The following SPRR2F variants were observed in gnomAD, a reference collection of about 807,000 sequenced individuals.
SPRR2F encodes small proline rich protein 2F.
A neutral mutation model predicts 0.8 loss-of-function variants in SPRR2F; 2 were observed. The observed-to-expected ratio is 2.52, with a 90% CI of 1.03 to 7.95. The LOEUF (loss-of-function observed/expected upper bound fraction) is 7.95, where lower values mean the gene tolerates loss of function less well. Among genes scored for constraint, SPRR2F ranks in the 30% most tolerant of loss-of-function variants. SPRR2F has a pLI of 0.04. For missense variants in SPRR2F, 80 were observed against 85.8 expected (o/e 0.93, Z 0.27); for synonymous variants, 39 against 33.4 (o/e 1.17, Z -0.58).
chr1:153,112,855 A>G, intron 1 of SPRR2F, 103 bp from the exon 2 acceptor site: 2 of 1,515,160 alleles, frequency 1.3e-6, no homozygotes, highest in Non-Finnish European at 1.8e-6. Flanking sequence ...AATCTCCAAG[A>G]AATTATTTAA....
At chr1:153,114,548 G>A (rs143645034), upstream of SPRR2F, among the ~76,000 whole-genome samples, 12 of 152,210 alleles carry the variant, frequency 7.9e-5, no homozygotes, top group East Asian at 1.4e-3. Context: ...GATGGTCAGC[G>A]CACCTAAAGT....
chr1:153,112,282 G>A lies in SPRR2F; in HGVS notation c.*233C>T, dbSNP rs1293930378. ...TCTTTCTTCTGAAGCTCTGGGAGCT[G>A]GCACAGCCCAGGACTTCCTTTGCTC... On this transcript the variant is annotated 3_prime_UTR_variant, in exon 2 of 2. Transcript: ENST00000468739. 3.3e-5 allele frequency: 22 copies of A among 672,514 alleles called. No homozygotes were observed. The highest frequency in any genetic ancestry group is 8.4e-4 in the Middle Eastern group (2 of 2,378). 41.7% of individuals were successfully genotyped at this position (672,514 alleles called of 1,614,324 possible).
At chr1:153,116,465 C>T (rs142485365), upstream of SPRR2F, among the ~76,000 whole-genome samples, 48 of 152,182 alleles carry the variant, frequency 3.2e-4, 1 homozygote, top group Non-Finnish European at 5.6e-4. Context: ...ACTTAAAATT[C>T]TGCTTTGAAA....
chr1:153,116,539 G>A (rs900826905), upstream of SPRR2F, among the ~76,000 whole-genome samples: 1 of 152,048 alleles, frequency 6.6e-6, no homozygotes, highest in Non-Finnish European at 1.5e-5. Flanking sequence ...TTCCTTTTAA[G>A]CATCTCTGGC....
chr1:153,113,857 TTCCTG>T (rs973397288), upstream of SPRR2F, among the ~76,000 whole-genome samples: 1 of 152,094 alleles, frequency 6.6e-6, no homozygotes, highest in Non-Finnish European at 1.5e-5. Context: ...ATCATAAAAC[TTCCTG>T]TCCTGATCCA....
At position 153,112,248 on chromosome 1, in the gene SPRR2F, G is replaced by C; in HGVS notation, c.*267C>G. 2 of 540,436 alleles carry C rather than the reference G, an allele frequency of 3.7e-6. No homozygotes were observed. Among genetic ancestry groups the C allele is most frequent in the Non-Finnish European group, 6.2e-6 (2 of 323,268 alleles). 33.5% of individuals were successfully genotyped at this position (540,436 alleles called of 1,614,324 possible). ...AGAATTCTCTAATGGTTCCCAGGGA[G>C]AGAGCTGCTCTTTCTTCTGAAGCTC... On this transcript the variant is annotated 3_prime_UTR_variant, in exon 2 of 2. Coordinates refer to ENST00000468739, the MANE Select transcript of SPRR2F (RefSeq NM_001014450.3).
chr1:153,118,737 A>G, the SPRR2F span, among the ~76,000 whole-genome samples: 4 of 152,184 alleles, frequency 2.6e-5, no homozygotes, highest in Non-Finnish European at 5.9e-5. Flanking sequence ...GATTTGAAGT[A>G]AAAGGATGCT....
At position 153,112,607 on chromosome 1, in the gene SPRR2F, G is replaced by A. The variant is rs370638116; in HGVS notation, c.127C>T (p.Gln43Ter). 3 of 1,612,728 alleles carry A rather than the reference G, an allele frequency of 1.9e-6. No individual in the cohort carries two copies. Among genetic ancestry groups the A allele is most frequent in the South Asian group, 1.1e-5 (1 of 91,018 alleles). The change falls in exon 2 of 2, where the codon CAG becomes TAG. Residue 43 changes from glutamine to a stop codon, truncating the protein, a stop_gained. Transcript: ENST00000468739. LOFTEE classifies it low-confidence loss of function (END_TRUNC). Reference sequence around the variant, plus strand: ...TGGCACTGCTGAGGTGGGCAGGACTGTGGACACTTTGATGGTGGGCAGGGC... The same window carrying A: ...TGGCACTGCTGAGGTGGGCAGGACTATGGACACTTTGATGGTGGGCAGGGC... ...PEPCPPSKCP[Q>*]SCPPQQCQQK... is the part of the protein sequence containing the mutation.
At chr1:153,115,313 C>T (rs372422188), upstream of SPRR2F, among the ~76,000 whole-genome samples, 1 of 152,220 alleles carries the variant, frequency 6.6e-6, no homozygotes, top group Non-Finnish European at 1.5e-5. Context: ...CCAACAGCCT[C>T]ACATCACATC....
At chr1:153,118,153 G>C (rs1006314076), upstream of SPRR2F, among the ~76,000 whole-genome samples, 1 of 151,952 alleles carries the variant, frequency 6.6e-6, no homozygotes, top group Non-Finnish European at 1.5e-5. Context: ...ATCCACCAAG[G>C]TGTCCTTCAG....
Position 153,112,581 on chromosome 1 carries a change from C to A in SPRR2F, c.153G>T (p.Gln51His). The A allele has an allele frequency of 6.2e-7, 1 of 1,613,010 alleles. No homozygotes were observed. The highest frequency in any genetic ancestry group is 1.1e-5 in the South Asian group (1 of 91,018). ...CPQSCPPQQC[Q>H]QKCPPVTPSP... is the part of the protein sequence containing the mutation. ...AAGGTGTCACAGGAGGACATTTCTG[C>A]TGGCACTGCTGAGGTGGGCAGGACT... The change falls in exon 2 of 2, where the codon CAG (glutamine) becomes CAT (histidine). Residue 51 changes from glutamine to histidine, a missense_variant. Coordinates refer to ENST00000468739, the MANE Select transcript of SPRR2F (RefSeq NM_001014450.3).
Position 153,112,691 on chromosome 1 carries a change from G to A in SPRR2F, c.43C>T (p.Pro15Ser), listed in dbSNP as rs373055219. ...QQQCKQPCQP[P>S]PVCPAPKCPE... ...CACTTTGGCGCGGGGCACACAGGAG[G>A]TGGCTGGCAGGGCTGCTTGCACTGC... is the stretch of plus-strand genomic sequence containing the variant. The change falls in exon 2 of 2, where the codon CCT (proline) becomes TCT (serine). Residue 15 changes from proline to serine, a missense_variant. Transcript: ENST00000468739. 2 of 1,612,280 alleles carry A rather than the reference G, an allele frequency of 1.2e-6. No individual in the cohort carries two copies. The highest frequency in any genetic ancestry group is 2.2e-5 in the East Asian group (1 of 44,870).
the SPRR2F span, among the ~76,000 whole-genome samples, chr1:153,119,250 T>C: frequency 1.8e-4 from 28 of 152,328 alleles, no homozygotes; most frequent in South Asian, 2.1e-4. Flanking sequence ...TTAAATGGAA[T>C]TCCTTGAATG....
At chr1:153,117,952 G>T (rs1291238169), upstream of SPRR2F, among the ~76,000 whole-genome samples, 2 of 151,904 alleles carry the variant, frequency 1.3e-5, no homozygotes, top group African/African-American at 4.8e-5. Context: ...AAGTTAAAGA[G>T]AAGTTAAATA....
chr1:153,119,406 G>A, the SPRR2F span, among the ~76,000 whole-genome samples: 3 of 152,128 alleles, frequency 2.0e-5, no homozygotes, highest in African/African-American at 7.2e-5. Context: ...AAGACCACGG[G>A]GTAAAAGGAG....
Position 153,112,320 on chromosome 1 carries a change from G to A in SPRR2F, c.*195C>T. The A allele has an allele frequency of 1.9e-6, 2 of 1,066,222 alleles. No homozygotes were observed. Among genetic ancestry groups the A allele is most frequent in the South Asian group, 1.7e-5 (1 of 57,282 alleles). 66.0% of individuals were successfully genotyped at this position (1,066,222 alleles called of 1,614,324 possible). On this transcript the variant is annotated 3_prime_UTR_variant, in exon 2 of 2. Transcript: ENST00000468739. ...ACTTCCTTTGCTCAGTCTCCACCTG[G>A]ACAGTGGCAGTATGGCAGCCTCAAA...
upstream of SPRR2F, among the ~76,000 whole-genome samples, chr1:153,116,079 T>C (rs1655718188): frequency 6.6e-6 from 1 of 152,216 alleles, no homozygotes; most frequent in Non-Finnish European, 1.5e-5. Flanking sequence ...AAGATTTTCC[T>C]AGCCTTAAAT....
intron 1 of SPRR2F, among the ~76,000 whole-genome samples, chr1:153,112,984 T>C (rs955035548): frequency 2.6e-5 from 4 of 152,192 alleles, no homozygotes; most frequent in African/African-American, 9.7e-5. Flanking sequence ...AATATCTCTG[T>C]AGTAAACAAC....
the SPRR2F span, among the ~76,000 whole-genome samples, chr1:153,118,721 C>T: frequency 6.6e-6 from 1 of 152,018 alleles, no homozygotes; most frequent in Admixed American, 6.6e-5. Context: ...ATAAAGAGAG[C>T]CTTTTGATTT....
Sources: allele counts gnomAD v4.1 joint callset (sites outside exome capture counted in the v4.1 genomes callset), GRCh38; gene constraint gnomAD v4.1.1; transcripts MANE v1.5; gene names NCBI Gene and HGNC (gene_info 2026-07-23, HGNC 2026-07-21).